PDE1C: variants seen among roughly 807,000 people sequenced by gnomAD.
The protein encoded by PDE1C is dual specificity calcium/calmodulin-dependent 3',5'-cyclic nucleotide phosphodiesterase 1C.
A neutral mutation model predicts 93.1 loss-of-function variants in PDE1C; 62 were observed. The ratio of observed to expected loss-of-function variants is 0.67; its 90% CI spans 0.54 to 0.82. The LOEUF is 0.82. Ranked by LOEUF, PDE1C falls within the 40% of genes least tolerant of loss-of-function variation. The pLI, the probability that PDE1C is intolerant of heterozygous loss-of-function variation, is 0.00. For synonymous variants in PDE1C, 325 were observed against 310.1 expected, an observed-to-expected ratio of 1.05 and a Z score of -0.50; for missense variants, 742 against 884.6, an observed-to-expected ratio of 0.84 and a Z score of 2.04.
At chr7:31,963,969 G>T (rs1387169398) in intron 2 of PDE1C, among the ~76,000 whole-genome samples, 1 of 152,202 alleles carries the variant, frequency 6.6e-6, no homozygotes, top group African/African-American at 2.4e-5. Context: ...AGAAAAAAGT[G>T]GGGTGGAGGC....
chr7:31,965,957 A>G (rs1321849577), intron 2 of PDE1C, among the ~76,000 whole-genome samples: 6 of 152,200 alleles, frequency 3.9e-5, no homozygotes. Flanking sequence ...TCCTGAAGGA[A>G]GCACTAAACA....
intron 1 of PDE1C, among the ~76,000 whole-genome samples, chr7:32,330,240 T>C (rs1783485012): frequency 6.6e-6 from 1 of 152,200 alleles, no homozygotes; most frequent in Non-Finnish European, 1.5e-5. Context: ...CTCTGCAAGG[T>C]GAGTGAACTG....
chr7:31,725,669 G>C, the PDE1C span, among the ~76,000 whole-genome samples: 2 of 152,186 alleles, frequency 1.3e-5, no homozygotes, highest in African/African-American at 4.8e-5. Flanking sequence ...AGTGTGATAA[G>C]GTACTATAGC....
intron 1 of PDE1C, among the ~76,000 whole-genome samples, chr7:32,247,883 G>C (rs1433707761): frequency 1.3e-5 from 2 of 152,116 alleles, no homozygotes; most frequent in Admixed American, 1.3e-4. Flanking sequence ...ACTATGTACA[G>C]ACTAGTACAT....
At chr7:32,015,381 A>T (rs191855496) in intron 2 of PDE1C, among the ~76,000 whole-genome samples, 23 of 152,146 alleles carry the variant, frequency 1.5e-4, no homozygotes, top group Non-Finnish European at 1.5e-5. Flanking sequence ...AGGTGGCCTC[A>T]CTACTGACAT....
chr7:31,777,060 G>A (rs1783037357), intron 16 of PDE1C, among the ~76,000 whole-genome samples: 1 of 151,576 alleles, frequency 6.6e-6, no homozygotes, highest in Non-Finnish European at 1.5e-5. Context: ...GTTAATGGGT[G>A]TAGCACACCA....
At chr7:31,860,441 T>C (rs933209104) in intron 7 of PDE1C, among the ~76,000 whole-genome samples, 3 of 152,220 alleles carry the variant, frequency 2.0e-5, no homozygotes, top group African/African-American at 7.2e-5. Context: ...TTTTTACCCA[T>C]ATGTATATAA....
chr7:31,949,907 AT>A (rs1807128070), intron 2 of PDE1C, among the ~76,000 whole-genome samples: 1 of 151,964 alleles, frequency 6.6e-6, no homozygotes, highest in South Asian at 2.1e-4. Flanking sequence ...TTCTTCGTAG[AT>A]TTTCTTTTTT....
chr7:31,696,978 A>G, the PDE1C span: 2 of 1,614,102 alleles, frequency 1.2e-6, no homozygotes, highest in South Asian at 1.1e-5. Context: ...TGTTTTCAGA[A>G]CATTTAATTA....
intron 12 of PDE1C, among the ~76,000 whole-genome samples, chr7:31,826,679 G>C (rs1174641753): frequency 6.6e-6 from 1 of 152,092 alleles, no homozygotes; most frequent in Non-Finnish European, 1.5e-5. Context: ...GAGAGGCCCC[G>C]TTACTACCTT....
At chr7:31,765,684 T>G (rs1430542646) in intron 17 of PDE1C, among the ~76,000 whole-genome samples, 1 of 152,148 alleles carries the variant, frequency 6.6e-6, no homozygotes, top group Admixed American at 6.5e-5. Flanking sequence ...CTGCCATCCT[T>G]CAATCAACTC....
chr7:31,824,633 C>T (rs751115888), intron 13 of PDE1C, among the ~76,000 whole-genome samples: 1 of 152,098 alleles, frequency 6.6e-6, no homozygotes, highest in African/African-American at 2.4e-5. Flanking sequence ...GGGGCAGCAC[C>T]AGGTGCCTGC....
intron 1 of PDE1C, among the ~76,000 whole-genome samples, chr7:32,053,535 G>A (rs1025967269): frequency 3.0e-4 from 45 of 152,172 alleles, no homozygotes; most frequent in African/African-American, 7.2e-4. Context: ...CCCATTGAGC[G>A]TATACAGGGA....
intron 2 of PDE1C, among the ~76,000 whole-genome samples, chr7:32,033,417 C>T (rs1027942868): frequency 3.3e-5 from 5 of 152,074 alleles, no homozygotes; most frequent in Admixed American, 1.3e-4. Flanking sequence ...ATCAAAGGAG[C>T]GCAATTCCCT....
intron 2 of PDE1C, among the ~76,000 whole-genome samples, chr7:32,006,711 G>A (rs142258352): frequency 6.6e-6 from 1 of 152,338 alleles, no homozygotes; most frequent in Non-Finnish European, 1.5e-5. Context: ...AGCTGGGTAT[G>A]GAAGAAACGT....
At chr7:32,289,217 C>G (rs145256314) in intron 1 of PDE1C, among the ~76,000 whole-genome samples, 23 of 152,250 alleles carry the variant, frequency 1.5e-4, no homozygotes, top group Non-Finnish European at 2.8e-4. Context: ...CCAGCCTGAG[C>G]AACATAGTGA....
intron 2 of PDE1C, among the ~76,000 whole-genome samples, chr7:32,206,085 G>A (rs577177695): frequency 2.2e-4 from 34 of 152,236 alleles, no homozygotes; most frequent in African/African-American, 7.2e-4. Flanking sequence ...AAGGTTACCT[G>A]CTCAACGCGG....
the PDE1C span, among the ~76,000 whole-genome samples, chr7:31,680,234 C>T: frequency 1.3e-5 from 2 of 152,146 alleles, no homozygotes; most frequent in Non-Finnish European, 2.9e-5. Context: ...CATACAATTG[C>T]CAGATGTCCA....
chr7:32,365,502 T>C (rs1194334737), intron 1 of PDE1C, among the ~76,000 whole-genome samples: 1 of 152,108 alleles, frequency 6.6e-6, no homozygotes, highest in South Asian at 2.1e-4. Context: ...ACATACCTAG[T>C]ACAGCCGAGA....
Sources: gnomAD v4.1 joint callset for allele counts (sites outside exome capture counted in the v4.1 genomes callset) on GRCh38, gnomAD v4.1.1 for gene constraint, MANE v1.5 for transcripts, NCBI Gene and HGNC (gene_info 2026-07-23, HGNC 2026-07-21) for gene names.